The following LSM3 variants were observed in gnomAD, a reference collection of about 807,000 sequenced individuals.
The protein encoded by LSM3 is U6 snRNA-associated Sm-like protein LSm3.
Under a neutral mutation model 15.4 loss-of-function variants are expected in LSM3, and 14 were observed. That is an observed-to-expected ratio of 0.91 (90% confidence interval 0.60 to 1.42). LSM3 has a LOEUF of 1.42. LSM3 is among the 40% of genes most tolerant of loss of function. LSM3 has a pLI of 0.00. For missense variants in LSM3, 88 were observed against 127.9 expected, an observed-to-expected ratio of 0.69 and a Z score of 1.50; for synonymous variants, 46 against 45.1, an observed-to-expected ratio of 1.02 and a Z score of -0.08.
chr3:14,183,229 T>C (rs934950839), intron 2 of LSM3, among the ~76,000 whole-genome samples: 1 of 152,220 alleles, frequency 6.6e-6, no homozygotes, highest in Non-Finnish European at 1.5e-5. Flanking sequence ...TTTATTTTGA[T>C]GTGAGCAGGT....
intron 3 of LSM3, among the ~76,000 whole-genome samples, chr3:14,191,775 A>C (rs142461156): frequency 3.3e-5 from 5 of 150,720 alleles, no homozygotes; most frequent in Admixed American, 6.6e-5. Context: ...TCGTGTCTCT[A>C]TCTCCTTCAG....
At chr3:14,190,454 T>C (rs1697129173) in intron 3 of LSM3, among the ~76,000 whole-genome samples, 1 of 152,258 alleles carries the variant, frequency 6.6e-6, no homozygotes, top group East Asian at 1.9e-4. Context: ...TTTGTTTGTG[T>C]CCTGTCTTAG....
At chr3:14,183,308 G>A (rs550623363) in intron 2 of LSM3, among the ~76,000 whole-genome samples, 2 of 152,352 alleles carry the variant, frequency 1.3e-5, no homozygotes, top group African/African-American at 4.8e-5. Context: ...GCACCTTTTA[G>A]TAAAATGAAT....
intron 2 of LSM3, among the ~76,000 whole-genome samples, chr3:14,182,263 C>A (rs191155976): frequency 8.6e-5 from 13 of 151,812 alleles, no homozygotes; most frequent in African/African-American, 3.1e-4. Flanking sequence ...CATATATGTA[C>A]ATGTGCACAT....
intron 1 of LSM3, among the ~76,000 whole-genome samples, chr3:14,180,177 C>T (rs1279813806): frequency 6.6e-6 from 1 of 152,210 alleles, no homozygotes; most frequent in Non-Finnish European, 1.5e-5. Context: ...GCAACCATCC[C>T]TTCCATGTGG....
intron 3 of LSM3, among the ~76,000 whole-genome samples, chr3:14,187,110 T>C (rs952133693): frequency 1.3e-5 from 2 of 152,214 alleles, no homozygotes. Flanking sequence ...ATGTTTGCAG[T>C]GAACTAACAG....
chr3:14,188,067 G>C (rs1697105385), intron 3 of LSM3, among the ~76,000 whole-genome samples: 1 of 152,134 alleles, frequency 6.6e-6, no homozygotes, highest in Non-Finnish European at 1.5e-5. Context: ...TACAGCATCA[G>C]ATGGCTCTTC....
chr3:14,197,744 G>C (rs746695631), intron 3 of LSM3, among the ~76,000 whole-genome samples: 3 of 152,170 alleles, frequency 2.0e-5, no homozygotes, highest in African/African-American at 4.8e-5. Flanking sequence ...ACTTGCCATT[G>C]GTTAAAGCAA....
rs73142672 is a variant in LSM3 at position 14,187,212 on chromosome 3, A to G, written c.228+3180A>G. Among the ~76,000 whole-genome samples, 1,507 of 152,230 alleles carry G rather than the reference A, an allele frequency of 9.9e-3. 24 individuals are homozygous for G. Among genetic ancestry groups the G allele is most frequent in the African/African-American group, 0.034 (1,414 of 41,516 alleles). On this transcript the variant is annotated intron_variant, in intron 3 of 3. Transcript: ENST00000306024. The stretch of plus-strand genomic sequence containing the variant: ...GTGCTATGTGTCTGTGCACATGTGC[A>G]TTTCTCTGGGTGGGGTGTCTGTAAC...
chr3:14,193,695 TC>T (rs1037208386), intron 3 of LSM3, among the ~76,000 whole-genome samples: 1 of 152,212 alleles, frequency 6.6e-6, no homozygotes, highest in Non-Finnish European at 1.5e-5. Flanking sequence ...TTTTCAAGGT[TC>T]TTAGCTTCCT....
At chr3:14,179,022 C>T in intron 1 of LSM3, 141 bp downstream of exon 1, 3 of 908,300 alleles carry the variant, frequency 3.3e-6, no homozygotes, top group Non-Finnish European at 3.4e-6. Flanking sequence ...GTAACCCCCC[C>T]TCCGAATTTT....
At position 14,199,002 on chromosome 3, in the gene LSM3, T is replaced by G. The variant is rs981485976; in HGVS notation, c.*886T>G. On this transcript the variant is annotated 3_prime_UTR_variant, in exon 4 of 4. Transcript: ENST00000306024. ...GAGCATGGGGAAGAGCACCCAAATA[T>G]GGGAGAAAGGGGCAGAGGGACATTG... 3.9e-5 allele frequency: 6 copies of G among 152,050 alleles called. No individual in the cohort carries two copies. The highest frequency in any genetic ancestry group is 8.8e-5 in the Non-Finnish European group (6 of 68,030). The allele number at this position is 152,050 out of a possible 1,614,324, so 9.4% of individuals were successfully genotyped here.
chr3:14,197,932 A>G (rs560571087), intron 3 of LSM3, 104 bp from the exon 4 acceptor site: 107 of 977,068 alleles, frequency 1.1e-4, no homozygotes, highest in Middle Eastern at 8.6e-4. Context: ...TTTTAATCCA[A>G]TTTTTTTGTG....
intron 3 of LSM3, among the ~76,000 whole-genome samples, chr3:14,193,054 A>G (rs929325498): frequency 2.0e-5 from 3 of 152,198 alleles, no homozygotes; most frequent in African/African-American, 7.2e-5. Flanking sequence ...TTGGCTGGTT[A>G]TGAAACTCTG....
At chr3:14,185,137 G>A (rs1697076687) in intron 3 of LSM3, among the ~76,000 whole-genome samples, 2 of 152,010 alleles carry the variant, frequency 1.3e-5, no homozygotes, top group Non-Finnish European at 1.5e-5. Context: ...GATCACCTGA[G>A]GTCAGGAGTT....
intron 3 of LSM3, among the ~76,000 whole-genome samples, chr3:14,185,557 G>T (rs1697081292): frequency 6.6e-6 from 1 of 152,156 alleles, no homozygotes; most frequent in Non-Finnish European, 1.5e-5. Flanking sequence ...ATCATGAGTT[G>T]TTGTTGTAAT....
chr3:14,187,028 T>C (rs1014079458), intron 3 of LSM3, among the ~76,000 whole-genome samples: 1 of 152,258 alleles, frequency 6.6e-6, no homozygotes, highest in Non-Finnish European at 1.5e-5. Context: ...TTGTCTTGAA[T>C]TCTGCTTGTG....
chr3:14,184,714 G>A (rs1697071200), intron 3 of LSM3, among the ~76,000 whole-genome samples: 2 of 146,430 alleles, frequency 1.4e-5, no homozygotes, highest in Non-Finnish European at 3.0e-5. Context: ...CCGAGATCCC[G>A]CCACTGCACT....
At chr3:14,193,923 A>G (rs964702727) in intron 3 of LSM3, among the ~76,000 whole-genome samples, 14 of 151,970 alleles carry the variant, frequency 9.2e-5, no homozygotes, top group African/African-American at 3.4e-4. Flanking sequence ...GGATTTATCT[A>G]CCTCTAGTCT....
Sources: gnomAD v4.1 joint callset for allele counts (sites outside exome capture counted in the v4.1 genomes callset) on GRCh38, gnomAD v4.1.1 for gene constraint, MANE v1.5 for transcripts, NCBI Gene and HGNC (gene_info 2026-07-23, HGNC 2026-07-21) for gene names.